Variants in GRIN2A observed in about 807,000 individuals in gnomAD.
GRIN2A encodes the protein glutamate receptor ionotropic, NMDA 2A.
GRIN2A carries 22 observed loss-of-function variants against 113.4 expected under a neutral mutation model. The ratio of observed to expected loss-of-function variants is 0.19; its 90% CI spans 0.14 to 0.28. GRIN2A has a LOEUF of 0.28. Ranked by LOEUF, GRIN2A falls within the 10% of genes least tolerant of loss-of-function variation. The pLI is 1.00. For synonymous variants in GRIN2A, 827 were observed against 738.4 expected (o/e 1.12, Z -1.94); for missense variants, 1,502 against 1,887.0 (o/e 0.80, Z 3.78).
chr16:10,073,920 C>CAA (rs371987747), intron 2 of GRIN2A, among the ~76,000 whole-genome samples: 3,806 of 130,150 alleles, frequency 0.029, 167 homozygotes, highest in African/African-American at 0.1. Flanking sequence ...ACCCCCGTCA[C>CAA]AAAAAAAAAA....
In GRIN2A at chr16:10,128,278, G is replaced by C. The variant is rs1344047205; in HGVS notation, c.414+51720C>G. On this transcript the variant is annotated intron_variant, in intron 2 of 12. Coordinates refer to ENST00000330684, the MANE Select transcript of GRIN2A (RefSeq NM_001134407.3). ...ATAGCCGTGGGTGCAACAGCTTGCA[G>C]CGAGTTTTGTGAGTTTCCAGTGAAT... Among the ~76,000 whole-genome samples the C allele has an allele frequency of 2.6e-5, 4 of 152,172 alleles. 1 individual carries two copies. Among genetic ancestry groups the C allele is most frequent in the African/African-American group, 9.7e-5 (4 of 41,438 alleles).
intron 2 of GRIN2A, among the ~76,000 whole-genome samples, chr16:10,004,571 G>C (rs1037906927): frequency 2.6e-5 from 4 of 152,130 alleles, no homozygotes; most frequent in African/African-American, 4.8e-5. Flanking sequence ...GGACACTCTA[G>C]GGAAGAATCC....
At chr16:9,934,828 G>C (rs1016994219) in intron 3 of GRIN2A, among the ~76,000 whole-genome samples, 1 of 151,902 alleles carries the variant, frequency 6.6e-6, no homozygotes, top group Non-Finnish European at 1.5e-5. Context: ...GGGACCGTGG[G>C]AGAGTGTGGG....
At chr16:9,921,464 A>T (rs531288637) in intron 3 of GRIN2A, among the ~76,000 whole-genome samples, 2 of 152,312 alleles carry the variant, frequency 1.3e-5, no homozygotes, top group South Asian at 2.1e-4. Flanking sequence ...TACTGATCCT[A>T]CCACTAACTG....
intron 8 of GRIN2A, among the ~76,000 whole-genome samples, chr16:9,831,948 G>T (rs1356900077): frequency 2.0e-5 from 3 of 151,558 alleles, no homozygotes; most frequent in South Asian, 2.1e-4. Context: ...TAGAGACAGG[G>T]TCTTGCTCTG....
chr16:9,869,901 T>C (rs984778933), intron 4 of GRIN2A, among the ~76,000 whole-genome samples: 1 of 152,212 alleles, frequency 6.6e-6, no homozygotes, highest in East Asian at 1.9e-4. Context: ...GCAATGTGCA[T>C]GTTCTTGTAA....
At chr16:10,055,687 A>G (rs897247831) in intron 2 of GRIN2A, among the ~76,000 whole-genome samples, 2 of 152,210 alleles carry the variant, frequency 1.3e-5, no homozygotes, top group Non-Finnish European at 2.9e-5. Flanking sequence ...TTTAAATTCA[A>G]CTAAGCCCTT....
At chr16:9,868,095 C>A (rs2043192634) in intron 4 of GRIN2A, among the ~76,000 whole-genome samples, 1 of 152,142 alleles carries the variant, frequency 6.6e-6, no homozygotes, top group African/African-American at 2.4e-5. Flanking sequence ...AATCACCAAG[C>A]CTTGATAGTT....
At chr16:10,134,497 G>C (rs542881902) in intron 2 of GRIN2A, among the ~76,000 whole-genome samples, 5 of 151,960 alleles carry the variant, frequency 3.3e-5, no homozygotes, top group African/African-American at 1.2e-4. Flanking sequence ...GGCTGGGGGA[G>C]GGATAGCATT....
chr16:10,181,523 G>A (rs886290990), intron 1 of GRIN2A: 5 of 152,364 alleles, frequency 3.3e-5, no homozygotes, highest in African/African-American at 7.2e-5. Context: ...CGGCCAGCCG[G>A]AGTCCTCACA....
chr16:9,903,134 A>G (rs1034718409), intron 3 of GRIN2A, among the ~76,000 whole-genome samples: 3 of 151,626 alleles, frequency 2.0e-5, no homozygotes, highest in South Asian at 4.2e-4. Context: ...ATGCCCAGCT[A>G]ATTTTTTTGT....
At chr16:10,179,469 T>C (rs1246400224) in intron 2 of GRIN2A, 1 of 168,218 alleles carries the variant, frequency 5.9e-6, no homozygotes, top group Non-Finnish European at 1.3e-5. Flanking sequence ...ATGACATTTT[T>C]TCTGCCCTTT....
chr16:9,833,038 C>G (rs2042524464), intron 8 of GRIN2A, among the ~76,000 whole-genome samples: 1 of 152,170 alleles, frequency 6.6e-6, no homozygotes, highest in Non-Finnish European at 1.5e-5. Flanking sequence ...CTTCAAGTTC[C>G]ATCCTCTACC....
At chr16:10,033,304 G>A (rs2046964127) in intron 2 of GRIN2A, among the ~76,000 whole-genome samples, 2 of 152,162 alleles carry the variant, frequency 1.3e-5, no homozygotes, top group East Asian at 1.9e-4. Context: ...AGCTTTGGCT[G>A]TATGATGGGC....
At chr16:9,969,698 C>T (rs561903399) in intron 2 of GRIN2A, among the ~76,000 whole-genome samples, 5 of 152,288 alleles carry the variant, frequency 3.3e-5, no homozygotes, top group African/African-American at 4.8e-5. Flanking sequence ...GGGGATATTT[C>T]GCTATGCCTG....
At chr16:9,847,839 G>T (rs1360110045) in intron 5 of GRIN2A, among the ~76,000 whole-genome samples, 1 of 147,710 alleles carries the variant, frequency 6.8e-6, no homozygotes. Flanking sequence ...ATGTATTCAG[G>T]ATTTCAACTT....
intron 2 of GRIN2A, chr16:10,113,032 G>T: frequency 7.2e-6 from 2 of 277,800 alleles, no homozygotes; most frequent in South Asian, 4.0e-5. Context: ...GGTCCTGAAG[G>T]CTCTGCAGCC....
chr16:9,863,152 T>A (rs879743736), intron 4 of GRIN2A, among the ~76,000 whole-genome samples: 1 of 152,190 alleles, frequency 6.6e-6, no homozygotes, highest in Non-Finnish European at 1.5e-5. Flanking sequence ...AAGGCTGCCA[T>A]CCTATTTGCT....
At position 10,002,158 on chromosome 16, in the gene GRIN2A, C is replaced by A. The variant is rs9934830; in HGVS notation, c.415-63607G>T. Among the ~76,000 whole-genome samples, 3,908 of 152,222 alleles carry A rather than the reference C, an allele frequency of 0.026. 181 individuals carry two copies. Among genetic ancestry groups the A allele is most frequent in the African/African-American group, 0.09 (3,737 of 41,526 alleles). ...GCCTCATGTATCACACTAGAGCTTGCAAATGGCATAAAATAATCAGATAAA... is the reference window on the plus strand; with the variant it reads ...GCCTCATGTATCACACTAGAGCTTGAAAATGGCATAAAATAATCAGATAAA... On this transcript the variant is annotated intron_variant, in intron 2 of 12. Transcript: ENST00000330684.
Sources: allele counts gnomAD v4.1 joint callset (sites outside exome capture counted in the v4.1 genomes callset), GRCh38; gene constraint gnomAD v4.1.1; transcripts MANE v1.5; gene names NCBI Gene and HGNC (gene_info 2026-07-23, HGNC 2026-07-21).